Variants in CNGA4 observed in about 807,000 individuals in gnomAD.
CNGA4 encodes cyclic nucleotide-gated channel alpha-4.
A neutral mutation model predicts 45.6 loss-of-function variants in CNGA4; 32 were observed. That is an observed-to-expected ratio of 0.70 (90% CI 0.53 to 0.94). CNGA4 has a LOEUF of 0.94. Ranked by LOEUF, CNGA4 falls within the 40% of genes least tolerant of loss-of-function variation. CNGA4 has a pLI of 0.00. For synonymous variants in CNGA4, 293 were observed against 304.6 expected (o/e 0.96, Z 0.40); for missense variants, 726 against 755.1 (o/e 0.96, Z 0.45).
intron 5 of CNGA4, 28 bp from the exon 6 acceptor site, chr11:6,243,921 T>A (rs1394378664): frequency 1.9e-6 from 3 of 1,598,986 alleles, no homozygotes; most frequent in Non-Finnish European, 2.6e-6. Context: ...CTACTAACTG[T>A]CCTCCCATCT....
chr11:6,241,991 G>C (rs1590653995), intron 5 of CNGA4: 2 of 589,218 alleles, frequency 3.4e-6, no homozygotes, highest in Admixed American at 6.2e-5. Flanking sequence ...AGTGAACAGG[G>C]TGGGTTCGTG....
chr11:6,239,462 T>A lies in CNGA4; in HGVS notation c.141T>A (p.Tyr47Ter), dbSNP rs959154010. 6.2e-7 allele frequency: 1 copy of A among 1,614,190 alleles called. No homozygotes were observed. Residue 47 changes from tyrosine to a stop codon, truncating the protein, a stop_gained, in exon 2 of 6, where the codon TAT becomes TAA. Transcript: ENST00000379936. LOFTEE classifies it high-confidence loss of function. ...ACACAATGGTCTTCCCAGTCATGTA[T>A]AACCTCATCATCCTCGTGTGCAGGT... ...WLNTMVFPVM[Y>*]NLIILVCRAC...
intron 5 of CNGA4, among the ~76,000 whole-genome samples, chr11:6,242,365 A>G (rs555311822): frequency 6.6e-6 from 1 of 152,236 alleles, no homozygotes; most frequent in Non-Finnish European, 1.5e-5. Flanking sequence ...CCTCTAGGCC[A>G]AGCCAGGTAC....
rs1459046656 is a variant in CNGA4 at position 6,240,423 on chromosome 11, G to A, written c.629G>A (p.Gly210Asp). Reference protein sequence around the residue: ...AWVYPDPAQPGFERLRRQYLY... With the variant: ...AWVYPDPAQPDFERLRRQYLY... Reference sequence around the variant, plus strand: ...GTGTACCCGGACCCCGCGCAGCCTGGCTTTGAGCGCCTGCGGCGCCAGTAC... The same window carrying A: ...GTGTACCCGGACCCCGCGCAGCCTGACTTTGAGCGCCTGCGGCGCCAGTAC... Residue 210 changes from glycine to aspartate, a missense_variant, in exon 4 of 6, where the codon GGC becomes GAC. Gly to Asp is a moderately conservative substitution (Grantham distance 94, BLOSUM62 -1). Coordinates refer to ENST00000379936, the MANE Select transcript of CNGA4 (RefSeq NM_001037329.4). This position sits in a 1 kb window ranked among gnomAD's most constrained non-coding sequence, Gnocchi z 4.9. 1 of 1,614,240 alleles carries A rather than the reference G, an allele frequency of 6.2e-7. No homozygotes were observed. Among genetic ancestry groups the A allele is most frequent in the African/African-American group, 1.3e-5 (1 of 75,072 alleles).
rs777743023 is a variant in CNGA4, at chr11:6,240,100, G to A, written c.306G>A (p.Lys102=). The change falls in exon 4 of 6, where the codon AAG becomes AAA. Residue 102 remains lysine, a synonymous_variant. Coordinates refer to ENST00000379936, the MANE Select transcript of CNGA4 (RefSeq NM_001037329.4). This position sits in a 1 kb window ranked among gnomAD's most constrained non-coding sequence, Gnocchi z 4.9. ...FLEQGILVVD[K]GRISSRYVRT... is the part of the protein sequence containing the mutation. ...AACAGGGCATCCTGGTGGTGGACAA[G>A]GGTAGGATCTCGAGTCGCTACGTTC... The A allele has an allele frequency of 5.6e-6, 9 of 1,613,182 alleles. No individual in the cohort carries two copies. The highest frequency in any genetic ancestry group is 1.7e-5 in the Admixed American group (1 of 59,912).
chr11:6,237,248 A>G (rs544297710), upstream of CNGA4, among the ~76,000 whole-genome samples: 6 of 152,344 alleles, frequency 3.9e-5, no homozygotes, highest in African/African-American at 1.4e-4. Flanking sequence ...TTTAACTGCC[A>G]CAACATTATA....
chr11:6,241,299 G>T, intron 4 of CNGA4, 132 bp from the exon 5 acceptor site: 1 of 709,520 alleles, frequency 1.4e-6, no homozygotes, highest in East Asian at 2.5e-5. Context: ...CCAACTGTCA[G>T]GTACTCCCAT....
chr11:6,238,617 G>A (rs1029618952), upstream of CNGA4, among the ~76,000 whole-genome samples: 5 of 152,186 alleles, frequency 3.3e-5, no homozygotes, highest in African/African-American at 1.2e-4. Context: ...GTGTGATGGG[G>A]GAAGGCGTAT....
At chr11:6,239,349 G>A in intron 1 of CNGA4, 35 bp from the exon 2 acceptor site, 1 of 1,613,026 alleles carries the variant, frequency 6.2e-7, no homozygotes, top group African/African-American at 1.3e-5. Flanking sequence ...TTGAATGCCT[G>A]GTGAATAAAT....
Position 6,239,160 on chromosome 11 carries a change from C to G in CNGA4, c.-47C>G, listed in dbSNP as rs561237176. 2 of 1,612,266 alleles carry G rather than the reference C, an allele frequency of 1.2e-6. No individual in the cohort carries two copies. The highest frequency in any genetic ancestry group is 1.3e-5 in the African/African-American group (1 of 74,996). ...CCCAACTCCAGAAGTCCCCTACAGG[C>G]AGAGAGGGTGTGGACATCTCACACC... On this transcript the variant is annotated 5_prime_UTR_variant, in exon 1 of 6. Transcript: ENST00000379936.
In CNGA4 at chr11:6,240,248, G is replaced by A; in HGVS notation, c.454G>A (p.Glu152Lys). 1 of 1,614,226 alleles carries A rather than the reference G, an allele frequency of 6.2e-7. No homozygotes were observed. The highest frequency in any genetic ancestry group is 2.2e-5 in the East Asian group (1 of 44,886). ...NRFLRAPRLF[E>K]AFDRTETRTA... The stretch of plus-strand genomic sequence containing the variant: ...CTTTCTCCGCGCGCCCCGCCTCTTC[G>A]AGGCCTTCGACCGCACAGAGACCCG... The change falls in exon 4 of 6, where the codon GAG becomes AAG. Residue 152 changes from glutamate (E) to lysine (K), a missense_variant. Transcript: ENST00000379936. This position sits in a 1 kb window ranked among gnomAD's most constrained non-coding sequence, Gnocchi z 4.9.
In CNGA4 at chr11:6,241,483, C is replaced by A. The variant is rs374184949; in HGVS notation, c.970C>A (p.Gln324Lys). The change falls in exon 5 of 6, where the codon CAG becomes AAG. Residue 324 changes from glutamine (Q) to lysine (K), a missense_variant. Physicochemically the swap from Gln to Lys is moderately conservative, Grantham distance 53 (BLOSUM62 1). Coordinates refer to ENST00000379936, the MANE Select transcript of CNGA4 (RefSeq NM_001037329.4). ...GATGACCAACGAGGTAGCCATCTTA[C>A]AGCACTTGCCTGAGCGGCTGCGGGC... Reference protein sequence around the residue: ...KKMTNEVAILQHLPERLRAEV... With the variant: ...KKMTNEVAILKHLPERLRAEV... 1 of 1,608,422 alleles carries A rather than the reference C, an allele frequency of 6.2e-7. No homozygotes were observed. The highest frequency in any genetic ancestry group is 8.5e-7 in the Non-Finnish European group (1 of 1,176,072).
upstream of CNGA4, among the ~76,000 whole-genome samples, chr11:6,235,108 G>T (rs1847810676): frequency 6.6e-6 from 1 of 152,208 alleles, no homozygotes; most frequent in Non-Finnish European, 1.5e-5. Context: ...GACGCTTGGA[G>T]TGGAAGAGTG....
chr11:6,235,816 G>A (rs1222693463), upstream of CNGA4, among the ~76,000 whole-genome samples: 1 of 152,014 alleles, frequency 6.6e-6, no homozygotes, highest in Non-Finnish European at 1.5e-5. Context: ...GCGCGCGCCT[G>A]TAATCCCAGC....
chr11:6,238,256 G>T (rs1173611975), upstream of CNGA4, among the ~76,000 whole-genome samples: 1 of 152,186 alleles, frequency 6.6e-6, no homozygotes, highest in Non-Finnish European at 1.5e-5. Context: ...CTAGCAGACT[G>T]TGAGCTTCTG....
At chr11:6,242,765 G>A (rs562141170) in intron 5 of CNGA4, among the ~76,000 whole-genome samples, 1 of 152,182 alleles carries the variant, frequency 6.6e-6, no homozygotes, top group Non-Finnish European at 1.5e-5. Context: ...CCAGCGCAGT[G>A]CTTGGCATAC....
At chr11:6,239,884 A>G (rs1388940771) in intron 3 of CNGA4, 94 bp downstream of exon 3, 6 of 1,395,016 alleles carry the variant, frequency 4.3e-6, no homozygotes, top group South Asian at 1.3e-5. Context: ...CCACCGTGGT[A>G]GCACCTTCGC....
rs148534804 is a variant in CNGA4 at position 6,240,723 on chromosome 11, G to A, written c.917+12G>A. On this transcript the variant is annotated intron_variant, in intron 4 of 5. Coordinates refer to ENST00000379936, the MANE Select transcript of CNGA4 (RefSeq NM_001037329.4). The surrounding 1 kb of genome is among the most constrained non-coding windows in gnomAD (Gnocchi z 4.9). ...CGAGTTATTGACTGGTGAGAAGGCG[G>A]GGTTCCAGACCAGGACAGGGACCAG... is the stretch of plus-strand genomic sequence containing the variant. 520 of 1,608,188 alleles carry A rather than the reference G, an allele frequency of 3.2e-4. 1 individual carries two copies. The African/African-American group carries it at 6.2e-3, about 19-fold the overall frequency.
rs112829979 is a variant in CNGA4, at chr11:6,241,584, G to A, written c.1071G>A (p.Leu357=). 1 of 1,614,242 alleles carries A rather than the reference G, an allele frequency of 6.2e-7. No individual in the cohort carries two copies. Among genetic ancestry groups the A allele is most frequent in the Admixed American group, 1.7e-5 (1 of 60,028 alleles). The change falls in exon 5 of 6, where the codon CTG becomes CTA. Residue 357 remains leucine, a synonymous_variant. Coordinates refer to ENST00000379936, the MANE Select transcript of CNGA4 (RefSeq NM_001037329.4). ...QIFQNCEASL[L]EELVLKLQPQ... is the part of the protein sequence containing the mutation. ...TTCAGAACTGTGAGGCCAGCCTGCT[G>A]GAGGAGCTGGTGCTGAAGCTGCAGC...
Sources: gnomAD v4.1 joint callset for allele counts (sites outside exome capture counted in the v4.1 genomes callset) on GRCh38, gnomAD v4.1.1 for gene constraint, Gnocchi (gnomAD v3.1) non-coding constraint, MANE v1.5 for transcripts, NCBI Gene and HGNC (gene_info 2026-07-23, HGNC 2026-07-21) for gene names.